MYO7B: variants seen among roughly 807,000 people sequenced by gnomAD.
MYO7B encodes unconventional myosin-VIIb.
A neutral mutation model predicts 259.7 loss-of-function variants in MYO7B; 212 were observed. The observed-to-expected ratio is 0.82, with a 90% confidence interval of 0.73 to 0.91. MYO7B has a LOEUF of 0.91. Among genes scored for constraint, MYO7B ranks in the 40% least tolerant of loss-of-function variants. The pLI, the probability that MYO7B is intolerant of heterozygous loss-of-function variation, is 0.00. For missense variants in MYO7B, 2,732 were observed against 2,813.5 expected (o/e 0.97, Z 0.66); for synonymous variants, 1,197 against 1,166.4 (o/e 1.03, Z -0.54).
Position 127,634,232 on chromosome 2 carries a change from C to A in MYO7B, c.5568C>A (p.Thr1856=). 1 of 1,597,330 alleles carries A rather than the reference C, an allele frequency of 6.3e-7. No homozygotes were observed. The highest frequency in any genetic ancestry group is 8.5e-7 in the Non-Finnish European group (1 of 1,175,360). The change falls in exon 41 of 48, where the codon ACC becomes ACA. Residue 1856 remains threonine, a synonymous_variant. Coordinates refer to ENST00000409816, the MANE Select transcript of MYO7B (RefSeq NM_001393586.1). ...RVRDVCDSIA[T]RLQLASWEGC... Reference sequence around the variant, plus strand: ...GGGATGTGTGTGACAGCATTGCCACCAGGCTGCAGCTGGCCTCCTGGGAGG... The same window carrying A: ...GGGATGTGTGTGACAGCATTGCCACAAGGCTGCAGCTGGCCTCCTGGGAGG...
At chr2:127,565,818 C>A (rs539607332) in intron 4 of MYO7B, among the ~76,000 whole-genome samples, 1 of 152,364 alleles carries the variant, frequency 6.6e-6, no homozygotes, top group South Asian at 2.1e-4. Context: ...GCCCTCCGTG[C>A]AAACCTGGCC....
At chr2:127,579,231 G>C (rs1075773) in intron 9 of MYO7B, among the ~76,000 whole-genome samples, 79,549 of 152,038 alleles carry the variant, frequency 0.52, 23,562 homozygotes, top group African/African-American at 0.81. Context: ...AGAGAAAGGG[G>C]CAGAGGCAAT....
intron 20 of MYO7B, among the ~76,000 whole-genome samples, chr2:127,606,601 C>T (rs780288981): frequency 3.9e-5 from 6 of 152,158 alleles, no homozygotes; most frequent in Non-Finnish European, 8.8e-5. Context: ...AGCAGTTTCC[C>T]CAAGAGCATG....
At chr2:127,592,353 C>A (rs1353752852) in intron 16 of MYO7B, among the ~76,000 whole-genome samples, 1 of 152,174 alleles carries the variant, frequency 6.6e-6, no homozygotes, top group Non-Finnish European at 1.5e-5. Context: ...AGAGATCGTG[C>A]CACTGCACTC....
chr2:127,581,941 C>T lies in MYO7B; in HGVS notation c.1131C>T (p.Ile377=). 1 of 1,613,932 alleles carries T rather than the reference C, an allele frequency of 6.2e-7. No homozygotes were observed. The highest frequency in any genetic ancestry group is 8.5e-7 in the Non-Finnish European group (1 of 1,179,872). ...GTCTGATCAAGCACACCATCCTCATCCGAGGGGAATTTGTCACCAGGTCCC... is the reference window on the plus strand; with the variant it reads ...GTCTGATCAAGCACACCATCCTCATTCGAGGGGAATTTGTCACCAGGTCCC... ...RDCLIKHTIL[I]RGEFVTRSLN... The change falls in exon 11 of 48, where the codon ATC becomes ATT. Residue 377 remains isoleucine (I), a synonymous_variant. Coordinates refer to ENST00000409816, the MANE Select transcript of MYO7B (RefSeq NM_001393586.1).
At chr2:127,618,335 C>T (rs1342122315) in intron 26 of MYO7B, among the ~76,000 whole-genome samples, 1 of 152,138 alleles carries the variant, frequency 6.6e-6, no homozygotes. Context: ...AAAGGGCTCC[C>T]TACTCCTAGT....
At chr2:127,556,859 A>G (rs1693656344) in intron 1 of MYO7B, among the ~76,000 whole-genome samples, 3 of 152,176 alleles carry the variant, frequency 2.0e-5, no homozygotes, top group Admixed American at 6.5e-5. Flanking sequence ...CCTGATGACA[A>G]TGTGCCTAGG....
intron 2 of MYO7B, among the ~76,000 whole-genome samples, chr2:127,563,503 TCCTGCAAATATGGAAGA>T (rs543940033): frequency 1.0e-3 from 153 of 152,276 alleles, no homozygotes; most frequent in African/African-American, 3.6e-3. Context: ...AGAGACTGCT[TCCTGCAAATATGGAAGA>T]CCTGCAAATA....
In MYO7B at chr2:127,611,149, C is replaced by T. The variant is rs114171809; in HGVS notation, c.3193-1101C>T. Among the ~76,000 whole-genome samples the T allele has an allele frequency of 0.016, 2,471 of 152,330 alleles. 34 individuals are homozygous for T. Among genetic ancestry groups the T allele is most frequent in the Middle Eastern group, 0.037 (11 of 294 alleles). On this transcript the variant is annotated intron_variant, in intron 24 of 47. Transcript: ENST00000409816. The surrounding 1 kb of genome is among the most constrained non-coding windows in gnomAD (Gnocchi z 5.4). ...TGGCTGTTGGTGGGAGGCCTCAGTT[C>T]CTTGTCATGTGGGCCTTTCCACAAA...
intron 24 of MYO7B, 118 bp downstream of exon 24, chr2:127,610,134 C>G: frequency 7.3e-7 from 1 of 1,377,602 alleles, no homozygotes; most frequent in Non-Finnish European, 9.7e-7. Context: ...CTGTCCTCAG[C>G]CTTACCCATG....
In MYO7B at chr2:127,620,484, G is replaced by T; in HGVS notation, c.3525+18G>T. 3 of 1,545,918 alleles carry T rather than the reference G, an allele frequency of 1.9e-6. No homozygotes were observed. Among genetic ancestry groups the T allele is most frequent in the South Asian group, 2.4e-5 (2 of 83,084 alleles). On this transcript the variant is annotated intron_variant, in intron 27 of 47. Transcript: ENST00000409816. ...TCATGAAGGTGAGAGGGTTCATGAA[G>T]GGAGGGCGGGCAGGGGGCAGGTTCT... is the stretch of plus-strand genomic sequence containing the variant.
chr2:127,634,129 TGGCCCCTAGCCA>T, intron 40 of MYO7B, 35 bp from the exon 41 acceptor site: 1 of 1,453,998 alleles, frequency 6.9e-7, no homozygotes, highest in Non-Finnish European at 9.4e-7. Flanking sequence ...TGGGCTGTAC[TGGCCCCTAGCCA>T]GGCCCCGGGC....
At position 127,636,842 on chromosome 2, in the gene MYO7B, G is replaced by A. The variant is rs1191756487; in HGVS notation, c.6256G>A (p.Gly2086Ser). ...CACCAAGATCTCCAGCTGGAGCAGC[G>A]GCAGCACCTACTTCCACATGGCGCT... ...PFTKISSWSS[G>S]STYFHMALGS... Residue 2086 changes from glycine to serine, a missense_variant, in exon 47 of 48, where the codon GGC (glycine) becomes AGC (serine). By Grantham distance (56) the Gly-to-Ser change is moderately conservative. Around this residue, in one of 3 missense-constraint regions of MYO7B, gnomAD observed 821 missense variants for 769.3 expected, o/e 1.07. Coordinates refer to ENST00000409816, the MANE Select transcript of MYO7B (RefSeq NM_001393586.1). This position sits in a 1 kb window ranked among gnomAD's most constrained non-coding sequence, Gnocchi z 4.5. 3.1e-6 allele frequency: 5 copies of A among 1,612,012 alleles called. No homozygotes were observed. The highest frequency in any genetic ancestry group is 2.2e-5 in the East Asian group (1 of 44,730).
At chr2:127,544,550 AGG>A (rs1338912729) in intron 1 of MYO7B, among the ~76,000 whole-genome samples, 3 of 147,914 alleles carry the variant, frequency 2.0e-5, no homozygotes, top group Non-Finnish European at 3.0e-5. Flanking sequence ...CTGGGATTAC[AGG>A]GGTGTGCCAC....
chr2:127,615,986 A>AGCATACCCTC lies in MYO7B; in HGVS notation c.3398+3385_3398+3394dup, dbSNP rs1271803540. Among the ~76,000 whole-genome samples, 5 of 152,316 alleles carry AGCATACCCTC rather than the reference A, an allele frequency of 3.3e-5. No homozygotes were observed. Among genetic ancestry groups the AGCATACCCTC allele is most frequent in the African/African-American group, 9.6e-5 (4 of 41,562 alleles). On this transcript the variant is annotated intron_variant, in intron 26 of 47. Coordinates refer to ENST00000409816, the MANE Select transcript of MYO7B (RefSeq NM_001393586.1). This position sits in a 1 kb window ranked among gnomAD's most constrained non-coding sequence, Gnocchi z 4.4. ...TTTGTTCATTTCCTGTGAAAACACA[A>AGCATACCCTC]GCATACCCTCGTTCCCACAATAGTA...
In MYO7B at chr2:127,597,827, G is replaced by A. The variant is rs1679831567; in HGVS notation, c.2339+1271G>A. 6.6e-6 allele frequency among the ~76,000 whole-genome samples: 1 copy of A among 151,930 alleles called. No homozygotes were observed. Among genetic ancestry groups the A allele is most frequent in the Non-Finnish European group, 1.5e-5 (1 of 68,002 alleles). On this transcript the variant is annotated intron_variant, in intron 19 of 47. Transcript: ENST00000409816. This position sits in a 1 kb window ranked among gnomAD's most constrained non-coding sequence, Gnocchi z 4.8. The stretch of plus-strand genomic sequence containing the variant: ...TAATTATTGTATTTTTTGTAGAGAT[G>A]GGGTTTCGCCATGTTACCCAAACTG...
intron 6 of MYO7B, among the ~76,000 whole-genome samples, chr2:127,571,459 T>TTTTTTTTTTTTTTTTTTTG (rs1678618374): frequency 1.8e-5 from 2 of 111,926 alleles, no homozygotes; most frequent in Non-Finnish European, 3.6e-5. Flanking sequence ...TTTTTTTTTT[T>TTTTTTTTTTTTTTTTTTTG]GCTTGTTTGT....
Position 127,611,161 on chromosome 2 carries a change from G to A in MYO7B, c.3193-1089G>A, listed in dbSNP as rs143045385. ...GGAGGCCTCAGTTCCTTGTCATGTG[G>A]GCCTTTCCACAAAGCTGCCTGGGCA... is the stretch of plus-strand genomic sequence containing the variant. On this transcript the variant is annotated intron_variant, in intron 24 of 47. Transcript: ENST00000409816. This position sits in a 1 kb window ranked among gnomAD's most constrained non-coding sequence, Gnocchi z 5.4. Among the ~76,000 whole-genome samples the A allele has an allele frequency of 6.6e-6, 1 of 152,302 alleles. No homozygotes were observed. The highest frequency in any genetic ancestry group is 2.4e-5 in the African/African-American group (1 of 41,562).
chr2:127,602,413 C>G (rs1679995263), intron 19 of MYO7B, among the ~76,000 whole-genome samples: 1 of 152,048 alleles, frequency 6.6e-6, no homozygotes, highest in African/African-American at 2.4e-5. Flanking sequence ...TTTGGGAGGC[C>G]AAGGCAGGAG....
Sources: gnomAD v4.1 joint callset for allele counts (sites outside exome capture counted in the v4.1 genomes callset) on GRCh38, gnomAD v4.1.1 for gene constraint, gnomAD v4.1.1 regional missense constraint, Gnocchi (gnomAD v3.1) non-coding constraint, MANE v1.5 for transcripts, NCBI Gene and HGNC (gene_info 2026-07-23, HGNC 2026-07-21) for gene names.